The following UNC13B variants were observed in gnomAD, a reference collection of about 807,000 sequenced individuals.
UNC13B encodes the protein unc-13 homolog B.
A neutral mutation model predicts 211.0 loss-of-function variants in UNC13B; 144 were observed. That is an observed-to-expected ratio of 0.68 (90% confidence interval 0.60 to 0.78). UNC13B has a LOEUF of 0.78. UNC13B is among the 30% of genes least tolerant of loss of function. UNC13B has a pLI of 0.00. For synonymous variants in UNC13B, 709 were observed against 725.8 expected, an observed-to-expected ratio of 0.98 and a Z score of 0.37; for missense variants, 1,777 against 2,002.0, an observed-to-expected ratio of 0.89 and a Z score of 2.14.
At chr9:35,336,201 G>A (rs1256535289) in intron 11 of UNC13B, among the ~76,000 whole-genome samples, 2 of 152,018 alleles carry the variant, frequency 1.3e-5, no homozygotes, top group East Asian at 1.9e-4. Context: ...CCAGCTTCCT[G>A]TGGATATTGT....
chr9:35,286,207 C>T (rs111901786), intron 7 of UNC13B, among the ~76,000 whole-genome samples: 2,499 of 150,402 alleles, frequency 0.017, 56 homozygotes, highest in African/African-American at 0.058. Flanking sequence ...CAGACCAAGC[C>T]ATGTTTGGAA....
At position 35,313,919 on chromosome 9, in the gene UNC13B, C is replaced by T. The variant is rs1375998424; in HGVS notation, c.9344C>T (p.Ser3115Phe). ...PQESFPEENASSPFTQARAHW... is the reference protein window; with the variant it reads ...PQESFPEENAFSPFTQARAHW... ...ACAAGTTTTCCTGAGGAGAATGCAT[C>T]TTCACCATTTACCCAAGCCAGAGCA... is the stretch of plus-strand genomic sequence containing the variant. The change falls in exon 11 of 40, where the codon TCT (serine) becomes TTT (phenylalanine). Residue 3115 changes from serine (S) to phenylalanine (F), a missense_variant. Coordinates refer to ENST00000635942, the MANE Select transcript of UNC13B (RefSeq NM_001371189.2). The T allele has an allele frequency of 6.2e-7, 1 of 1,613,694 alleles. No individual in the cohort carries two copies. Among genetic ancestry groups the T allele is most frequent in the Non-Finnish European group, 8.5e-7 (1 of 1,179,786 alleles).
intron 1 of UNC13B, among the ~76,000 whole-genome samples, chr9:35,171,708 G>C (rs144568209): frequency 8.0e-4 from 122 of 152,258 alleles, no homozygotes; most frequent in Non-Finnish European, 1.4e-3. Flanking sequence ...CCTACCCCAG[G>C]CTAGTTTATT....
At chr9:35,173,786 C>T (rs1821461131) in intron 1 of UNC13B, among the ~76,000 whole-genome samples, 1 of 152,172 alleles carries the variant, frequency 6.6e-6, no homozygotes. Flanking sequence ...TATGCTTTAA[C>T]CACTGTGATA....
At chr9:35,398,722 C>G in intron 32 of UNC13B, 80 bp downstream of exon 32, 1 of 1,563,562 alleles carries the variant, frequency 6.4e-7, no homozygotes, top group South Asian at 1.1e-5. Context: ...CCACACCTCT[C>G]CATATAGCTG....
chr9:35,313,810 T>A lies in UNC13B; in HGVS notation c.9324-89T>A, dbSNP rs1216363334. 10 of 1,054,952 alleles carry A rather than the reference T, an allele frequency of 9.5e-6. No individual in the cohort carries two copies. In the East Asian group the frequency reaches 2.4e-4, roughly 25 times the overall value. 65.3% of individuals were successfully genotyped at this position (1,054,952 alleles called of 1,614,324 possible). A position where few individuals can be genotyped will look rare whatever the true frequency, so the allele number is the denominator to read the frequency against. The stretch of plus-strand genomic sequence containing the variant: ...GTGTAGGCATGAGTACAAACCATTT[T>A]ATTTTAGACATTTGGCAGTCTTGCC... On this transcript the variant is annotated intron_variant, in intron 10 of 39. Coordinates refer to ENST00000635942, the MANE Select transcript of UNC13B (RefSeq NM_001371189.2).
chr9:35,210,546 C>G (rs1007950994), intron 1 of UNC13B, among the ~76,000 whole-genome samples: 1 of 148,416 alleles, frequency 6.7e-6, no homozygotes, highest in African/African-American at 2.5e-5. Context: ...TTTTTTGAGA[C>G]AGAGTCTCAC....
chr9:35,219,161 T>C (rs1824431742), intron 1 of UNC13B, among the ~76,000 whole-genome samples: 1 of 152,164 alleles, frequency 6.6e-6, no homozygotes, highest in Admixed American at 6.5e-5. Flanking sequence ...AGAACAAATA[T>C]ATTTAGTGTG....
intron 11 of UNC13B, among the ~76,000 whole-genome samples, chr9:35,339,142 T>C (rs1831836189): frequency 6.6e-6 from 1 of 152,184 alleles, no homozygotes; most frequent in Non-Finnish European, 1.5e-5. Flanking sequence ...AGGATTTAAA[T>C]TGGGAACCAG....
At chr9:35,296,244 C>A (rs912038391) in intron 8 of UNC13B, among the ~76,000 whole-genome samples, 1 of 152,166 alleles carries the variant, frequency 6.6e-6, no homozygotes, top group African/African-American at 2.4e-5. Flanking sequence ...GTTTGTTATA[C>A]CCTTTGCCAA....
At chr9:35,345,391 G>A (rs929536450) in intron 11 of UNC13B, among the ~76,000 whole-genome samples, 1 of 152,106 alleles carries the variant, frequency 6.6e-6, no homozygotes, top group African/African-American at 2.4e-5. Flanking sequence ...GGGGATTTTG[G>A]CTAAACTTAC....
intron 11 of UNC13B, among the ~76,000 whole-genome samples, chr9:35,354,174 G>A (rs1294743114): frequency 6.6e-6 from 1 of 152,196 alleles, no homozygotes; most frequent in Non-Finnish European, 1.5e-5. Flanking sequence ...AAGAAGGGGT[G>A]GGAGTGAGAG....
chr9:35,269,010 A>G (rs1827730116), intron 7 of UNC13B, among the ~76,000 whole-genome samples: 1 of 152,224 alleles, frequency 6.6e-6, no homozygotes, highest in Non-Finnish European at 1.5e-5. Context: ...TATGTTTTCC[A>G]TACCAAGCAA....
chr9:35,217,631 C>T (rs1235659211), intron 1 of UNC13B, among the ~76,000 whole-genome samples: 1 of 152,020 alleles, frequency 6.6e-6, no homozygotes, highest in Non-Finnish European at 1.5e-5. Flanking sequence ...CCTCGTGATC[C>T]GCCCGCCTCG....
chr9:35,198,359 T>C (rs983010047), intron 1 of UNC13B, among the ~76,000 whole-genome samples: 2 of 152,220 alleles, frequency 1.3e-5, no homozygotes, highest in South Asian at 2.1e-4. Flanking sequence ...CCATGTAATA[T>C]GCGCCTGCTT....
chr9:35,364,812 G>T (rs1487517924), intron 11 of UNC13B, among the ~76,000 whole-genome samples: 1 of 152,198 alleles, frequency 6.6e-6, no homozygotes, highest in African/African-American at 2.4e-5. Context: ...GTGTGCACCA[G>T]CATGGGTGTG....
intron 29 of UNC13B, 29 bp downstream of exon 29, chr9:35,397,339 C>T (rs375530873): frequency 4.5e-5 from 73 of 1,609,452 alleles, no homozygotes; most frequent in Non-Finnish European, 5.5e-5. Context: ...ACTCCCTCCC[C>T]CTTACCACCA....
chr9:35,177,224 G>A (rs1371354922), intron 1 of UNC13B, among the ~76,000 whole-genome samples: 1 of 152,166 alleles, frequency 6.6e-6, no homozygotes, highest in Non-Finnish European at 1.5e-5. Flanking sequence ...CAGGGGCGGA[G>A]ATTTCAGTGA....
intron 11 of UNC13B, among the ~76,000 whole-genome samples, chr9:35,347,468 C>A (rs563207285): frequency 6.6e-6 from 1 of 152,248 alleles, no homozygotes; most frequent in South Asian, 2.1e-4. Flanking sequence ...CTGAGGGTTG[C>A]CCTTTCAGCC....
Sources: gnomAD v4.1 joint callset for allele counts (sites outside exome capture counted in the v4.1 genomes callset) on GRCh38, gnomAD v4.1.1 for gene constraint, MANE v1.5 for transcripts, NCBI Gene and HGNC (gene_info 2026-07-23, HGNC 2026-07-21) for gene names.